The following SIPA1L3 variants were observed in gnomAD, a reference collection of about 807,000 sequenced individuals.
SIPA1L3 encodes the protein signal-induced proliferation-associated 1-like protein 3.
Under a neutral mutation model 150.1 loss-of-function variants are expected in SIPA1L3, and 59 were observed. The ratio of observed to expected loss-of-function variants is 0.39; its 90% CI spans 0.32 to 0.49. The LOEUF is 0.49. SIPA1L3 is among the 20% of genes least tolerant of loss of function. The pLI is 0.86. For synonymous variants in SIPA1L3, 1,070 were observed against 1,077.6 expected, an observed-to-expected ratio of 0.99 and a Z score of 0.14; for missense variants, 2,211 against 2,489.5, an observed-to-expected ratio of 0.89 and a Z score of 2.38.
chr19:38,074,603 T>C (rs1016148802), intron 2 of SIPA1L3, among the ~76,000 whole-genome samples: 1 of 152,218 alleles, frequency 6.6e-6, no homozygotes, highest in Non-Finnish European at 1.5e-5. Flanking sequence ...AAGCAAACAG[T>C]CTTGCCATTC....
At chr19:38,061,408 C>G (rs1174782627) in intron 2 of SIPA1L3, among the ~76,000 whole-genome samples, 1 of 151,736 alleles carries the variant, frequency 6.6e-6, no homozygotes, top group Non-Finnish European at 1.5e-5. Flanking sequence ...TTGGCCAATT[C>G]CTTAGCTTCC....
intron 1 of SIPA1L3, among the ~76,000 whole-genome samples, chr19:37,995,552 T>C (rs860627): frequency 0.75 from 113,418 of 152,044 alleles, 42,558 homozygotes; most frequent in East Asian, 0.95. Flanking sequence ...GAAACTCGGC[T>C]TGGGCACCAT....
intron 4 of SIPA1L3, among the ~76,000 whole-genome samples, chr19:38,092,694 C>A (rs74720555): frequency 2.6e-5 from 4 of 152,058 alleles, no homozygotes; most frequent in Non-Finnish European, 5.9e-5. Context: ...TGGAGGGTAC[C>A]GTAGCAAACA....
At position 38,193,680 on chromosome 19, in the gene SIPA1L3, G is replaced by A. The variant is rs780898620; in HGVS notation, c.4740G>A (p.Pro1580=). 63 of 1,576,898 alleles carry A rather than the reference G, an allele frequency of 4.0e-5. No homozygotes were observed. Among genetic ancestry groups the A allele is most frequent in the South Asian group, 9.1e-5 (8 of 87,870 alleles). Residue 1580 remains proline, a synonymous_variant, in exon 18 of 22, where the codon CCG becomes CCA. Coordinates refer to ENST00000222345, the MANE Select transcript of SIPA1L3 (RefSeq NM_015073.3). ...DVLFTSTCAF[P]SSTLPARRQH... ...TCTTCACCAGCACCTGCGCCTTCCC[G>A]TCCAGCACGCTGCCTGCACGCCGCC...
chr19:37,951,861 C>T (rs966011066), intron 1 of SIPA1L3, among the ~76,000 whole-genome samples: 23 of 138,940 alleles, frequency 1.7e-4, no homozygotes, highest in African/African-American at 6.4e-4. Context: ...CACACCACTG[C>T]ACTCCAGCCT....
At chr19:38,182,932 G>T in intron 16 of SIPA1L3, 192 bp downstream of exon 16, 1 of 557,304 alleles carries the variant, frequency 1.8e-6, no homozygotes, top group Non-Finnish European at 3.2e-6. Flanking sequence ...TTCCATTTGG[G>T]GTGACCAACA....
At chr19:37,968,511 G>A (rs975117069) in intron 1 of SIPA1L3, among the ~76,000 whole-genome samples, 2 of 152,124 alleles carry the variant, frequency 1.3e-5, no homozygotes, top group African/African-American at 4.8e-5. Context: ...AGCCTTCAGT[G>A]GTTTCCCATT....
At chr19:38,173,267 C>G (rs949967863) in intron 15 of SIPA1L3, among the ~76,000 whole-genome samples, 4 of 152,260 alleles carry the variant, frequency 2.6e-5, no homozygotes, top group African/African-American at 9.6e-5. Context: ...GCCCCCTACC[C>G]TCCCTTCCCC....
chr19:38,003,088 G>A (rs941294318), intron 1 of SIPA1L3, among the ~76,000 whole-genome samples: 6 of 152,186 alleles, frequency 3.9e-5, no homozygotes, highest in African/African-American at 1.4e-4. Context: ...GGAGGTTGCA[G>A]TGAGCCGAGT....
At chr19:38,073,505 G>A (rs377070780) in intron 2 of SIPA1L3, among the ~76,000 whole-genome samples, 1 of 152,174 alleles carries the variant, frequency 6.6e-6, no homozygotes, top group Non-Finnish European at 1.5e-5. Context: ...TGTCTCCCAG[G>A]CTGCCCTAGT....
intron 10 of SIPA1L3, 127 bp from the exon 11 acceptor site, chr19:38,141,057 C>CAA (rs551813100): frequency 2.7e-3 from 1,051 of 394,784 alleles, no homozygotes; most frequent in South Asian, 4.2e-3. Flanking sequence ...GACTCTGTCT[C>CAA]AAAAAAAAAA....
chr19:38,198,744 C>T (rs981444759), intron 19 of SIPA1L3, among the ~76,000 whole-genome samples: 1 of 152,230 alleles, frequency 6.6e-6, no homozygotes, highest in Non-Finnish European at 1.5e-5. Context: ...GACCAACAAG[C>T]GGAAGTGACC....
chr19:38,197,002 G>A (rs985505028), intron 18 of SIPA1L3, among the ~76,000 whole-genome samples: 4 of 152,184 alleles, frequency 2.6e-5, no homozygotes, highest in African/African-American at 4.8e-5. Context: ...TGGAAAGCAC[G>A]TAGTGTATAC....
intron 1 of SIPA1L3, among the ~76,000 whole-genome samples, chr19:37,997,942 G>A (rs1967684174): frequency 6.6e-6 from 1 of 152,048 alleles, no homozygotes. Context: ...CTCCCAATTG[G>A]TAGAAGGCCC....
At chr19:38,125,593 G>A (rs1363551164) in intron 9 of SIPA1L3, among the ~76,000 whole-genome samples, 1 of 152,066 alleles carries the variant, frequency 6.6e-6, no homozygotes, top group African/African-American at 2.4e-5. Context: ...AGTGGGCCAG[G>A]GAATGGTGAC....
chr19:38,051,529 G>C (rs1431628673), intron 2 of SIPA1L3, among the ~76,000 whole-genome samples: 1 of 152,162 alleles, frequency 6.6e-6, no homozygotes, highest in Non-Finnish European at 1.5e-5. Context: ...TCTGCCACTA[G>C]AACCTGGTGT....
At chr19:38,198,989 C>G (rs1385539967) in intron 19 of SIPA1L3, among the ~76,000 whole-genome samples, 3 of 152,202 alleles carry the variant, frequency 2.0e-5, no homozygotes, top group Non-Finnish European at 4.4e-5. Flanking sequence ...AAATCTGTCC[C>G]TGAGGACATT....
At chr19:37,909,323 T>C (rs1243836355) in intron 1 of SIPA1L3, among the ~76,000 whole-genome samples, 1 of 151,784 alleles carries the variant, frequency 6.6e-6, no homozygotes, top group African/African-American at 2.4e-5. Context: ...TTCTCCTGCC[T>C]CAGCCTCCTG....
intron 1 of SIPA1L3, among the ~76,000 whole-genome samples, chr19:37,990,601 C>T (rs537144678): frequency 2.0e-5 from 3 of 152,216 alleles, no homozygotes; most frequent in Non-Finnish European, 2.9e-5. Context: ...CAGCCCACAG[C>T]GAGAACCCCG....
Sources: allele counts gnomAD v4.1 joint callset (sites outside exome capture counted in the v4.1 genomes callset), GRCh38; gene constraint gnomAD v4.1.1; transcripts MANE v1.5; gene names NCBI Gene and HGNC (gene_info 2026-07-23, HGNC 2026-07-21).